MYT1L: variants seen among roughly 807,000 people sequenced by gnomAD.
MYT1L encodes the protein myelin transcription factor 1 like.
Under a neutral mutation model 126.7 loss-of-function variants are expected in MYT1L, and 12 were observed. The ratio of observed to expected loss-of-function variants is 0.09; its 90% confidence interval spans 0.06 to 0.15. The LOEUF (loss-of-function observed/expected upper bound fraction) is 0.15, where lower values mean the gene tolerates loss of function less well. MYT1L is among the 10% of genes least tolerant of loss of function. The probability of loss-of-function intolerance (pLI) is 1.00; values close to 1 mark genes in which losing one functional copy is unlikely to be tolerated. For missense variants in MYT1L, 979 were observed against 1,585.2 expected, an observed-to-expected ratio of 0.62 and a Z score of 6.49; for synonymous variants, 541 against 604.2, an observed-to-expected ratio of 0.90 and a Z score of 1.53.
At chr2:2,217,713 A>C (rs1193855214) in intron 2 of MYT1L, among the ~76,000 whole-genome samples, 2 of 145,410 alleles carry the variant, frequency 1.4e-5, no homozygotes, top group Non-Finnish European at 1.5e-5. Context: ...CAACAAAAAA[A>C]AAAAAAGAAA....
intron 18 of MYT1L, among the ~76,000 whole-genome samples, chr2:1,871,809 G>A (rs1467353805): frequency 6.6e-6 from 1 of 152,138 alleles, no homozygotes; most frequent in Non-Finnish European, 1.5e-5. Context: ...GAGTTTGCAA[G>A]TATAAGATGC....
Position 1,887,741 on chromosome 2 carries a change from G to T in MYT1L, c.2521-132C>A. 2 of 1,101,358 alleles carry T rather than the reference G, an allele frequency of 1.8e-6. No homozygotes were observed. The highest frequency in any genetic ancestry group is 2.6e-6 in the Non-Finnish European group (2 of 755,976). 68.2% of individuals were successfully genotyped at this position (1,101,358 alleles called of 1,614,324 possible). On this transcript the variant is annotated intron_variant, in intron 16 of 24. Transcript: ENST00000647738. The surrounding 1 kb of genome is among the most constrained non-coding windows in gnomAD (Gnocchi z 4.8). ...CTGCTGTACCTTTAAGATCCTTTTG[G>T]TCCTGATAACGCCCCTACTGAAAAT...
intron 4 of MYT1L, among the ~76,000 whole-genome samples, chr2:2,021,773 T>G (rs926507938): frequency 2.6e-5 from 4 of 152,192 alleles, no homozygotes; most frequent in African/African-American, 9.6e-5. Flanking sequence ...GGTGGGTGCC[T>G]GTACTCCCAG....
intron 8 of MYT1L, among the ~76,000 whole-genome samples, chr2:1,973,190 TAA>T (rs1195194855): frequency 6.6e-6 from 1 of 152,234 alleles, no homozygotes; most frequent in Non-Finnish European, 1.5e-5. Context: ...CATTTGGAAA[TAA>T]GTGTGTCCAA....
rs1227989340 is a variant in MYT1L, at chr2:1,943,380, A to G, written c.153-46T>C. The G allele has an allele frequency of 1.3e-6, 2 of 1,483,124 alleles. No individual in the cohort carries two copies. The highest frequency in any genetic ancestry group is 1.8e-6 in the Non-Finnish European group (2 of 1,118,980). The allele number at this position is 1,483,124 out of a possible 1,614,324, so 91.9% of individuals were successfully genotyped here. ...GGCAGGGGAGAGAGAGAAAAAAAAT[A>G]TCTGTGTTACTGTCTTTTAAAATCA... On this transcript the variant is annotated intron_variant, in intron 8 of 24. Transcript: ENST00000647738. The surrounding 1 kb of genome is among the most constrained non-coding windows in gnomAD (Gnocchi z 4.4).
At chr2:2,285,893 G>T (rs946218536) in intron 1 of MYT1L, among the ~76,000 whole-genome samples, 5 of 152,164 alleles carry the variant, frequency 3.3e-5, no homozygotes, top group Non-Finnish European at 7.3e-5. Context: ...TTCCCAACTC[G>T]AGGGTGCTTT....
intron 2 of MYT1L, among the ~76,000 whole-genome samples, chr2:2,217,688 C>CAAAAAAAA (rs1192733884): frequency 2.8e-5 from 2 of 70,878 alleles, no homozygotes; most frequent in African/African-American, 1.6e-4. Flanking sequence ...ACAACAACAA[C>CAAAAAAAA]AACAACAACA....
chr2:2,027,513 C>T (rs1404210437), intron 4 of MYT1L, among the ~76,000 whole-genome samples: 1 of 152,158 alleles, frequency 6.6e-6, no homozygotes, highest in Non-Finnish European at 1.5e-5. Flanking sequence ...AATAAGCCAA[C>T]GTGTAGAATA....
intron 22 of MYT1L, among the ~76,000 whole-genome samples, chr2:1,805,707 G>A (rs947462485): frequency 3.3e-5 from 5 of 152,156 alleles, no homozygotes; most frequent in African/African-American, 7.2e-5. Context: ...GCAACATGGC[G>A]AAGCCCCATC....
rs145334785 is a variant in MYT1L at position 2,173,931 on chromosome 2, G to C, written c.-420-943C>G. On this transcript the variant is annotated intron_variant, in intron 2 of 24. Coordinates refer to ENST00000647738, the MANE Select transcript of MYT1L (RefSeq NM_001303052.2). ...CGCCTGTAATAAGATGATAGCCAGAGTGCTTAGCAAGTGGAACTTGAAATA... is the reference window on the plus strand; with the variant it reads ...CGCCTGTAATAAGATGATAGCCAGACTGCTTAGCAAGTGGAACTTGAAATA... Among the ~76,000 whole-genome samples the C allele has an allele frequency of 3.8e-3, 581 of 152,312 alleles. 2 individuals carry two copies. The highest frequency in any genetic ancestry group is 0.013 in the African/African-American group (552 of 41,574).
At chr2:1,950,742 C>T (rs2057673329) in intron 8 of MYT1L, among the ~76,000 whole-genome samples, 1 of 152,134 alleles carries the variant, frequency 6.6e-6, no homozygotes, top group African/African-American at 2.4e-5. Flanking sequence ...CAGTCAGGGC[C>T]TCCCAGGTGC....
At chr2:2,227,858 T>A (rs929264173) in intron 2 of MYT1L, among the ~76,000 whole-genome samples, 2 of 152,178 alleles carry the variant, frequency 1.3e-5, no homozygotes, top group East Asian at 1.9e-4. Context: ...ATTTATATTA[T>A]CCAGAAAAAT....
In MYT1L at chr2:1,910,390, C is replaced by T; in HGVS notation, c.1710-43G>A. 6.6e-7 allele frequency: 1 copy of T among 1,525,896 alleles called. No individual in the cohort carries two copies. Among genetic ancestry groups the T allele is most frequent in the South Asian group, 1.1e-5 (1 of 88,828 alleles). 94.5% of individuals were successfully genotyped at this position (1,525,896 alleles called of 1,614,324 possible). ...GGGTTGAATGGTCCCGCCTCAAACA[C>T]CTTCACAGCACACTAATCCTCCCTT... On this transcript the variant is annotated intron_variant, in intron 12 of 24. Coordinates refer to ENST00000647738, the MANE Select transcript of MYT1L (RefSeq NM_001303052.2). The surrounding 1 kb of genome is among the most constrained non-coding windows in gnomAD (Gnocchi z 4.8).
Position 1,851,718 on chromosome 2 carries a change from G to C in MYT1L, c.2712-15C>G, listed in dbSNP as rs746612418. The C allele has an allele frequency of 6.2e-7, 1 of 1,611,670 alleles. No individual in the cohort carries two copies. Among genetic ancestry groups the C allele is most frequent in the Non-Finnish European group, 8.5e-7 (1 of 1,178,096 alleles). On this transcript the variant is annotated splice_polypyrimidine_tract_variant and intron_variant, in intron 18 of 24. Coordinates refer to ENST00000647738, the MANE Select transcript of MYT1L (RefSeq NM_001303052.2). The stretch of plus-strand genomic sequence containing the variant: ...GCGTGGGGCACCTACAATAAAAAAT[G>C]CAAATTGTGTTAAAATGGAAAGAAA...
chr2:2,123,474 T>G (rs1425521888), intron 3 of MYT1L, among the ~76,000 whole-genome samples: 2 of 152,166 alleles, frequency 1.3e-5, no homozygotes, highest in African/African-American at 4.8e-5. Context: ...GGGAGGCAAT[T>G]GGATCATGGG....
intron 1 of MYT1L, among the ~76,000 whole-genome samples, chr2:2,317,983 T>G (rs546917004): frequency 6.6e-6 from 1 of 152,288 alleles, no homozygotes; most frequent in East Asian, 1.9e-4. Flanking sequence ...AGAGACTCGA[T>G]CTTGTAGGAG....
At chr2:2,048,015 G>T (rs1462908226) in intron 4 of MYT1L, among the ~76,000 whole-genome samples, 4 of 152,164 alleles carry the variant, frequency 2.6e-5, no homozygotes, top group Admixed American at 2.6e-4. Flanking sequence ...TCCATAAACT[G>T]TGGAGTGTGT....
At chr2:2,293,406 C>G (rs760178914) in intron 1 of MYT1L, among the ~76,000 whole-genome samples, 1 of 152,204 alleles carries the variant, frequency 6.6e-6, no homozygotes, top group Non-Finnish European at 1.5e-5. Flanking sequence ...CCCATTCCCC[C>G]ACGCTGACTG....
chr2:1,969,867 C>A (rs1163498464), intron 8 of MYT1L, among the ~76,000 whole-genome samples: 1 of 152,204 alleles, frequency 6.6e-6, no homozygotes, highest in Non-Finnish European at 1.5e-5. Context: ...ATCCTCGGCA[C>A]TTCCTCTCAA....
Sources: allele counts gnomAD v4.1 joint callset (sites outside exome capture counted in the v4.1 genomes callset), GRCh38; gene constraint gnomAD v4.1.1; non-coding constraint Gnocchi (gnomAD v3.1); transcripts MANE v1.5; gene names NCBI Gene and HGNC (gene_info 2026-07-23, HGNC 2026-07-21).